Variants in NUDCD1 observed in about 807,000 individuals in gnomAD.
NUDCD1 encodes nudC domain-containing protein 1.
A neutral mutation model predicts 67.8 loss-of-function variants in NUDCD1; 60 were observed. The observed-to-expected ratio is 0.88, with a 90% CI of 0.72 to 1.10. The LOEUF is 1.10. Among genes scored for constraint, NUDCD1 ranks in the 50% least tolerant of loss-of-function variants. The pLI, the probability that NUDCD1 is intolerant of heterozygous loss-of-function variation, is 0.00. For missense variants in NUDCD1, 643 were observed against 695.0 expected, an observed-to-expected ratio of 0.93 and a Z score of 0.84; for synonymous variants, 244 against 230.8, an observed-to-expected ratio of 1.06 and a Z score of -0.52.
At chr8:109,251,455 G>A (rs1813622618) in intron 8 of NUDCD1, among the ~76,000 whole-genome samples, 1 of 152,050 alleles carries the variant, frequency 6.6e-6, no homozygotes, top group South Asian at 2.1e-4. Flanking sequence ...ACAGGCATGA[G>A]CCACCGTGTC....
chr8:109,281,837 A>T (rs1463909698), intron 5 of NUDCD1, among the ~76,000 whole-genome samples: 1 of 152,164 alleles, frequency 6.6e-6, no homozygotes, highest in African/African-American at 2.4e-5. Flanking sequence ...CTTCACACCC[A>T]GGTGGACTTT....
At chr8:109,330,215 A>C (rs183687850) in intron 1 of NUDCD1, among the ~76,000 whole-genome samples, 5 of 152,372 alleles carry the variant, frequency 3.3e-5, no homozygotes, top group Admixed American at 6.5e-5. Flanking sequence ...TCTTTGGAAT[A>C]GAAAAAGACA....
chr8:109,303,178 G>A (rs1309271174), intron 2 of NUDCD1, among the ~76,000 whole-genome samples: 8 of 152,248 alleles, frequency 5.3e-5, no homozygotes, highest in Middle Eastern at 3.4e-3. Context: ...ACTGGAAATC[G>A]GACTGTCCTA....
intron 8 of NUDCD1, among the ~76,000 whole-genome samples, chr8:109,260,378 A>G (rs1232701592): frequency 2.6e-5 from 4 of 152,090 alleles, no homozygotes; most frequent in Non-Finnish European, 5.9e-5. Flanking sequence ...TGTATACACA[A>G]GAGGTGGGGG....
In NUDCD1 at chr8:109,311,559, G is replaced by GTGTGTATATATATATATATATATATATA; in HGVS notation, c.273+10749_273+10750insTATATATATATATATATATATATACACA. 4.2e-4 allele frequency among the ~76,000 whole-genome samples: 52 copies of GTGTGTATATATATATATATATATATATA among 125,138 alleles called. 2 individuals are homozygous for GTGTGTATATATATATATATATATATATA. The highest frequency in any genetic ancestry group is 5.2e-4 in the African/African-American group (15 of 28,752). The allele number at this position is 125,138 out of a possible 152,430, so 82.1% of individuals were successfully genotyped here. A position where few individuals can be genotyped will look rare whatever the true frequency, so the allele number is the denominator to read the frequency against. On this transcript the variant is annotated intron_variant, in intron 2 of 9. Coordinates refer to ENST00000239690, the MANE Select transcript of NUDCD1 (RefSeq NM_032869.4). ...AATGAGTGGATAAAGAAACTGTGGT[G>GTGTGTATATATATATATATATATATATA]TATATATATATATGATGGGATACTG...
intron 6 of NUDCD1, among the ~76,000 whole-genome samples, chr8:109,280,522 G>A (rs1283308490): frequency 6.6e-6 from 1 of 152,202 alleles, no homozygotes; most frequent in Non-Finnish European, 1.5e-5. Context: ...TAACAACACT[G>A]ATTGTGAGGA....
intron 2 of NUDCD1, among the ~76,000 whole-genome samples, chr8:109,298,285 C>T (rs889509030): frequency 6.6e-6 from 1 of 152,058 alleles, no homozygotes; most frequent in African/African-American, 2.4e-5. Context: ...GTATGTTTTA[C>T]AGAGAGAACA....
chr8:109,299,374 G>T (rs1186668360), intron 2 of NUDCD1, among the ~76,000 whole-genome samples: 1 of 152,172 alleles, frequency 6.6e-6, no homozygotes, highest in Non-Finnish European at 1.5e-5. Flanking sequence ...AGCCCTGCTT[G>T]CCCACTACCT....
rs150496112 is a variant in NUDCD1, at chr8:109,268,637, T to C, written c.1299+2368A>G. On this transcript the variant is annotated intron_variant, in intron 8 of 9. Coordinates refer to ENST00000239690, the MANE Select transcript of NUDCD1 (RefSeq NM_032869.4). The stretch of plus-strand genomic sequence containing the variant: ...ACAGCATTTTATGACACCTAAGATA[T>C]AGCTGCCTTCAAAAGTTTGGCAGAA... 4.5e-3 allele frequency among the ~76,000 whole-genome samples: 678 copies of C among 152,268 alleles called. 7 individuals are homozygous for C. Among genetic ancestry groups the C allele is most frequent in the African/African-American group, 0.015 (634 of 41,556 alleles).
At chr8:109,294,636 T>C (rs1008322844) in intron 3 of NUDCD1, among the ~76,000 whole-genome samples, 9 of 151,940 alleles carry the variant, frequency 5.9e-5, no homozygotes, top group Admixed American at 2.6e-4. Flanking sequence ...ACCAGAAGAG[T>C]AGATGGCGTA....
chr8:109,325,069 C>A (rs1815644149), intron 1 of NUDCD1, among the ~76,000 whole-genome samples: 1 of 152,018 alleles, frequency 6.6e-6, no homozygotes, highest in South Asian at 2.1e-4. Flanking sequence ...CAGCCTGGGA[C>A]AGAGTGAGAC....
rs185908370 is a variant in NUDCD1 at position 109,321,319 on chromosome 8, A to G, written c.273+990T>C. 2.5e-3 allele frequency among the ~76,000 whole-genome samples: 375 copies of G among 152,334 alleles called. 6 individuals carry two copies. The South Asian group carries it at 0.031, about 13-fold the overall frequency. On this transcript the variant is annotated intron_variant, in intron 2 of 9. Transcript: ENST00000239690. ...TATGATAAAATTAGCTCAAACAATG[A>G]GAGGGTAAGTGAAAGGAATTATATT...
intron 5 of NUDCD1, among the ~76,000 whole-genome samples, chr8:109,283,363 A>G (rs1814500853): frequency 6.6e-6 from 1 of 152,228 alleles, no homozygotes; most frequent in Non-Finnish European, 1.5e-5. Flanking sequence ...AAACTGAAAA[A>G]CATGTTTGAG....
intron 5 of NUDCD1, among the ~76,000 whole-genome samples, chr8:109,288,286 C>T (rs1050476364): frequency 6.6e-6 from 1 of 152,154 alleles, no homozygotes; most frequent in Non-Finnish European, 1.5e-5. Context: ...CTTGGAACTG[C>T]ATGGTTCCAA....
At chr8:109,295,310 T>C (rs1814817750) in intron 3 of NUDCD1, among the ~76,000 whole-genome samples, 1 of 152,144 alleles carries the variant, frequency 6.6e-6, no homozygotes, top group Admixed American at 6.6e-5. Flanking sequence ...ATTCTCAAAA[T>C]ACCTTCCAAC....
intron 2 of NUDCD1, among the ~76,000 whole-genome samples, chr8:109,302,722 C>T (rs1815018446): frequency 6.6e-6 from 1 of 152,170 alleles, no homozygotes; most frequent in South Asian, 2.1e-4. Context: ...AGCATTTAGG[C>T]TCTTTTTCAT....
intron 8 of NUDCD1, among the ~76,000 whole-genome samples, chr8:109,251,718 A>G (rs1276972629): frequency 6.6e-6 from 1 of 151,916 alleles, no homozygotes; most frequent in Admixed American, 6.6e-5. Context: ...CTTTTAGTTT[A>G]TTAGTTTTCT....
At chr8:109,304,729 C>T (rs532211901) in intron 2 of NUDCD1, among the ~76,000 whole-genome samples, 7 of 152,302 alleles carry the variant, frequency 4.6e-5, no homozygotes, top group African/African-American at 1.7e-4. Flanking sequence ...GAGTCATTCA[C>T]TGCAAGGGCC....
chr8:109,307,784 T>G (rs1487377818), intron 2 of NUDCD1, among the ~76,000 whole-genome samples: 2 of 152,172 alleles, frequency 1.3e-5, no homozygotes, highest in Non-Finnish European at 2.9e-5. Context: ...GAAAGAGACA[T>G]TTCATGCAAA....
Sources: allele counts gnomAD v4.1 joint callset (sites outside exome capture counted in the v4.1 genomes callset), GRCh38; gene constraint gnomAD v4.1.1; transcripts MANE v1.5; gene names NCBI Gene and HGNC (gene_info 2026-07-23, HGNC 2026-07-21).